NRG1: variants seen among roughly 807,000 people sequenced by gnomAD.
The protein encoded by NRG1 is pro-neuregulin-1, membrane-bound isoform.
In NRG1, 18 loss-of-function variants were observed where a neutral mutation model predicts 63.8. That is an observed-to-expected ratio of 0.28 (90% CI 0.19 to 0.42). The LOEUF is 0.42. NRG1 is among the 10% of genes least tolerant of loss of function. NRG1 has a pLI of 1.00. For synonymous variants in NRG1, 302 were observed against 301.3 expected, an observed-to-expected ratio of 1.00 and a Z score of -0.02; for missense variants, 762 against 814.7, an observed-to-expected ratio of 0.94 and a Z score of 0.79.
At chr8:32,020,503 G>C (rs1332463572) in intron 1 of NRG1, among the ~76,000 whole-genome samples, 1 of 151,958 alleles carries the variant, frequency 6.6e-6, no homozygotes, top group Non-Finnish European at 1.5e-5. Flanking sequence ...CTTCATTCCA[G>C]TATAATGTGG....
At chr8:32,756,278 T>A in intron 8 of NRG1, 125 bp from the exon 9 acceptor site, 1 of 1,040,046 alleles carries the variant, frequency 9.6e-7, no homozygotes, top group Non-Finnish European at 1.4e-6. Flanking sequence ...CATACTCCCT[T>A]CCCTCTTCCT....
intron 1 of NRG1, among the ~76,000 whole-genome samples, chr8:32,408,246 T>G (rs945571383): frequency 2.6e-5 from 4 of 152,196 alleles, no homozygotes; most frequent in Non-Finnish European, 5.9e-5. Flanking sequence ...GATGAGCATG[T>G]GTCATTAAAC....
intron 1 of NRG1, among the ~76,000 whole-genome samples, chr8:31,836,417 A>G (rs1003831268): frequency 2.0e-5 from 3 of 152,190 alleles, no homozygotes; most frequent in African/African-American, 4.8e-5. Flanking sequence ...CTTCCCATCT[A>G]TGTTATTTAG....
chr8:31,901,987 C>T (rs1832124320), intron 1 of NRG1, among the ~76,000 whole-genome samples: 1 of 152,052 alleles, frequency 6.6e-6, no homozygotes, highest in South Asian at 2.1e-4. Context: ...TTTCAAATGA[C>T]ACAACTGTAA....
At chr8:32,120,868 TC>T (rs1833354999) in intron 1 of NRG1, among the ~76,000 whole-genome samples, 1 of 152,022 alleles carries the variant, frequency 6.6e-6, no homozygotes, top group Admixed American at 6.6e-5. Flanking sequence ...TAGCACAGTG[TC>T]CCTTTTTGAA....
intron 1 of NRG1, among the ~76,000 whole-genome samples, chr8:32,130,194 C>T (rs537917884): frequency 7.2e-5 from 11 of 151,802 alleles, no homozygotes; most frequent in South Asian, 4.2e-4. Flanking sequence ...ATGTCTTTTC[C>T]TTCCAAATGA....
chr8:31,919,207 G>A (rs548155475), intron 1 of NRG1, among the ~76,000 whole-genome samples: 7 of 151,560 alleles, frequency 4.6e-5, no homozygotes, highest in East Asian at 1.9e-4. Flanking sequence ...ATTTCCTTCC[G>A]TTCTGCTCTG....
At chr8:32,325,845 T>C (rs1485670144) in intron 1 of NRG1, among the ~76,000 whole-genome samples, 1 of 152,216 alleles carries the variant, frequency 6.6e-6, no homozygotes, top group Non-Finnish European at 1.5e-5. Context: ...AGAATGTCTA[T>C]TTCCACAGGC....
Position 32,536,307 on chromosome 8 carries a change from CA to C in NRG1, c.38-59520del, listed in dbSNP as rs148265095. Among the ~76,000 whole-genome samples the C allele has an allele frequency of 6.6e-3, 1,002 of 152,236 alleles. 5 individuals carry two copies. Among genetic ancestry groups the C allele is most frequent in the African/African-American group, 0.022 (920 of 41,572 alleles). On this transcript the variant is annotated intron_variant, in intron 1 of 10. Coordinates refer to the NRG1 transcript ENST00000519301. ...TGAAGTCTCTTTTCTTGCTAGCTGT[CA>C]GCCAGGGGCAGCTCCAAGCTCTCAG... is the stretch of plus-strand genomic sequence containing the variant.
chr8:32,744,086 C>A (rs1826993346), intron 7 of NRG1, among the ~76,000 whole-genome samples: 1 of 152,044 alleles, frequency 6.6e-6, no homozygotes, highest in African/African-American at 2.4e-5. Context: ...TTTAAATTCA[C>A]CTAACATAAG....
At chr8:32,486,782 G>C (rs917764432) in intron 1 of NRG1, among the ~76,000 whole-genome samples, 6 of 152,026 alleles carry the variant, frequency 3.9e-5, no homozygotes, top group Non-Finnish European at 7.4e-5. Flanking sequence ...GTGCTCCCAT[G>C]CCTGGCTAAT....
rs1284466756 is a variant in NRG1 at position 32,763,164 on chromosome 8, TG to T, written c.1260-583del. Reference sequence around the variant, plus strand: ...AAAAAATGAAAAGCACACAAATGTATGACACTGTTGTCAGGAATAAATCTAA... The same window carrying T: ...AAAAAATGAAAAGCACACAAATGTATACACTGTTGTCAGGAATAAATCTAA... On this transcript the variant is annotated intron_variant, in intron 11 of 11. Coordinates refer to ENST00000356819, the Ensembl canonical transcript of NRG1. 1.9e-6 allele frequency: 3 copies of T among 1,564,964 alleles called. No individual in the cohort carries two copies. In the African/African-American group the frequency reaches 4.1e-5, roughly 21 times the overall value.
intron 1 of NRG1, among the ~76,000 whole-genome samples, chr8:31,955,925 C>A (rs1344132691): frequency 2.0e-5 from 3 of 151,262 alleles, no homozygotes; most frequent in Non-Finnish European, 4.4e-5. Flanking sequence ...CCTGTAGTCC[C>A]AGCTACCAGG....
intron 1 of NRG1, among the ~76,000 whole-genome samples, chr8:31,855,752 G>A (rs1381870160): frequency 3.3e-5 from 5 of 152,054 alleles, no homozygotes; most frequent in Non-Finnish European, 7.4e-5. Context: ...GGCTGGTACC[G>A]GTTGTTCCTT....
intron 1 of NRG1, among the ~76,000 whole-genome samples, chr8:32,079,362 C>G (rs775979705): frequency 7.2e-5 from 11 of 152,094 alleles, no homozygotes; most frequent in Non-Finnish European, 1.3e-4. Context: ...TGAACAAAAG[C>G]AATGTCCAGG....
intron 1 of NRG1, among the ~76,000 whole-genome samples, chr8:32,336,027 C>T (rs1228831043): frequency 1.3e-5 from 2 of 152,020 alleles, no homozygotes; most frequent in African/African-American, 2.4e-5. Flanking sequence ...ATACACACAC[C>T]GGAAATTGTA....
intron 1 of NRG1, among the ~76,000 whole-genome samples, chr8:32,304,582 A>G (rs1277308935): frequency 7.0e-6 from 1 of 143,050 alleles, no homozygotes; most frequent in Non-Finnish European, 1.6e-5. Context: ...GTTAATGAAA[A>G]GTATTCTTAG....
intron 1 of NRG1, among the ~76,000 whole-genome samples, chr8:32,314,876 CCT>C (rs1443910700): frequency 3.9e-5 from 6 of 152,164 alleles, no homozygotes; most frequent in Non-Finnish European, 5.9e-5. Flanking sequence ...CAAACACTGT[CCT>C]CTCTGTTCTC....
At chr8:32,090,021 C>T (rs576080395) in intron 1 of NRG1, among the ~76,000 whole-genome samples, 1 of 152,238 alleles carries the variant, frequency 6.6e-6, no homozygotes, top group South Asian at 2.1e-4. Flanking sequence ...TAACTCTTTT[C>T]CTGACAATTA....
Sources: gnomAD v4.1 joint callset for allele counts (sites outside exome capture counted in the v4.1 genomes callset) on GRCh38, gnomAD v4.1.1 for gene constraint, MANE v1.5 for transcripts, NCBI Gene and HGNC (gene_info 2026-07-23, HGNC 2026-07-21) for gene names.